The following XKR9 variants were observed in gnomAD, a reference collection of about 807,000 sequenced individuals.
XKR9 encodes the protein XK related 9.
In XKR9, 32 loss-of-function variants were observed where a neutral mutation model predicts 32.0. That is an observed-to-expected ratio of 1.00 (90% CI 0.76 to 1.34). The LOEUF (loss-of-function observed/expected upper bound fraction) is 1.34, where lower values mean the gene tolerates loss of function less well. Ranked by LOEUF, XKR9 falls within the 40% of genes most tolerant of loss-of-function variation. The pLI is 0.00. For missense variants in XKR9, 546 were observed against 429.7 expected (o/e 1.27, Z -2.39); for synonymous variants, 168 against 143.4 (o/e 1.17, Z -1.22).
chr8:70,746,118 G>A (rs1222096208), intron 2 of XKR9, among the ~76,000 whole-genome samples: 1 of 151,420 alleles, frequency 6.6e-6, no homozygotes, highest in Non-Finnish European at 1.5e-5. Flanking sequence ...GTGAAAGTGG[G>A]ACTTAAGTAC....
At chr8:71,033,053 C>T in the XKR9 span, among the ~76,000 whole-genome samples, 1 of 148,246 alleles carries the variant, frequency 6.7e-6, no homozygotes, top group Admixed American at 6.8e-5. Flanking sequence ...CATTGCACTC[C>T]AGTCTAGGGA....
the XKR9 span, among the ~76,000 whole-genome samples, chr8:71,046,712 A>T: frequency 6.6e-6 from 1 of 152,152 alleles, no homozygotes; most frequent in Non-Finnish European, 1.5e-5. Context: ...GGAGTAAAAA[A>T]CCTTAAGAGA....
chr8:70,910,787 C>T, the XKR9 span, among the ~76,000 whole-genome samples: 87 of 152,334 alleles, frequency 5.7e-4, no homozygotes, highest in Middle Eastern at 6.8e-3. Context: ...TCTGGAGGTT[C>T]TGAGGAAGAA....
the XKR9 span, among the ~76,000 whole-genome samples, chr8:70,879,915 AG>A: frequency 6.6e-6 from 1 of 152,236 alleles, no homozygotes; most frequent in African/African-American, 2.4e-5. Flanking sequence ...CATATCAAAA[AG>A]CTTATCCACC....
At chr8:70,822,337 A>T in the XKR9 span, among the ~76,000 whole-genome samples, 29 of 151,952 alleles carry the variant, frequency 1.9e-4, no homozygotes, top group Non-Finnish European at 3.1e-4. Context: ...AGATTTTGTT[A>T]ATTTATCATA....
At chr8:70,761,360 C>T (rs183187391) in intron 2 of XKR9, among the ~76,000 whole-genome samples, 4 of 152,282 alleles carry the variant, frequency 2.6e-5, no homozygotes, top group Non-Finnish European at 4.4e-5. Context: ...TTCACCACAG[C>T]CTCACCAGCA....
chr8:70,901,428 C>T, the XKR9 span, among the ~76,000 whole-genome samples: 1 of 152,158 alleles, frequency 6.6e-6, no homozygotes, highest in Non-Finnish European at 1.5e-5. Context: ...AGCATTTTTT[C>T]ATGTGTCTGT....
At chr8:70,896,458 G>C in the XKR9 span, among the ~76,000 whole-genome samples, 2 of 151,370 alleles carry the variant, frequency 1.3e-5, no homozygotes, top group Admixed American at 6.6e-5. Context: ...GACATAAGTT[G>C]TTAAATTTAT....
the XKR9 span, among the ~76,000 whole-genome samples, chr8:70,843,367 C>T: frequency 4.6e-5 from 7 of 152,134 alleles, no homozygotes; most frequent in African/African-American, 7.2e-5. Context: ...GTATTTCTAA[C>T]TCCTGTTTTT....
At chr8:70,839,552 C>T in the XKR9 span, among the ~76,000 whole-genome samples, 1 of 152,074 alleles carries the variant, frequency 6.6e-6, no homozygotes, top group Non-Finnish European at 1.5e-5. Context: ...ATTTTTTCTG[C>T]AGGATTTTAG....
At chr8:70,991,108 G>C in the XKR9 span, among the ~76,000 whole-genome samples, 2 of 152,138 alleles carry the variant, frequency 1.3e-5, no homozygotes, top group Admixed American at 6.6e-5. Context: ...ACAGTCAGCA[G>C]TTTGGGGAAA....
the XKR9 span, among the ~76,000 whole-genome samples, chr8:71,024,909 G>A: frequency 6.6e-6 from 1 of 152,174 alleles, no homozygotes; most frequent in Admixed American, 6.5e-5. Context: ...TTTGGTTTCT[G>A]TTTGTGGAGG....
intron 2 of XKR9, among the ~76,000 whole-genome samples, chr8:70,768,877 T>C (rs941399458): frequency 1.3e-5 from 2 of 152,098 alleles, no homozygotes; most frequent in Non-Finnish European, 2.9e-5. Context: ...GTCTTGACTC[T>C]ATCCATTTTG....
chr8:71,030,341 A>G, the XKR9 span, among the ~76,000 whole-genome samples: 1 of 152,166 alleles, frequency 6.6e-6, no homozygotes, highest in African/African-American at 2.4e-5. Flanking sequence ...TATTTTTTAT[A>G]TTGTGTGATC....
intron 2 of XKR9, among the ~76,000 whole-genome samples, chr8:70,744,990 T>C (rs1331770702): frequency 1.3e-5 from 2 of 150,278 alleles, no homozygotes; most frequent in African/African-American, 4.9e-5. Context: ...GAGCTGGACT[T>C]GTGTCACTGT....
At chr8:71,064,605 T>C in the XKR9 span, among the ~76,000 whole-genome samples, 4 of 152,220 alleles carry the variant, frequency 2.6e-5, no homozygotes, top group Non-Finnish European at 5.9e-5. Context: ...TGTTTTCTTG[T>C]TCAAAATACA....
chr8:70,952,033 G>A, the XKR9 span, among the ~76,000 whole-genome samples: 1 of 152,014 alleles, frequency 6.6e-6, no homozygotes, highest in Non-Finnish European at 1.5e-5. Context: ...GTCTACACAT[G>A]TGGATAGATT....
At chr8:71,032,818 C>G in the XKR9 span, among the ~76,000 whole-genome samples, 2 of 152,188 alleles carry the variant, frequency 1.3e-5, no homozygotes, top group Non-Finnish European at 2.9e-5. Flanking sequence ...GGTGCAGTGG[C>G]TCACGCCTGT....
chr8:70,913,641 C>T, the XKR9 span, among the ~76,000 whole-genome samples: 56 of 152,158 alleles, frequency 3.7e-4, no homozygotes, highest in African/African-American at 1.2e-3. Context: ...TAAAAGTATG[C>T]TAATCATAAA....
Sources: gnomAD v4.1 joint callset for allele counts (sites outside exome capture counted in the v4.1 genomes callset) on GRCh38, gnomAD v4.1.1 for gene constraint, MANE v1.5 for transcripts, NCBI Gene and HGNC (gene_info 2026-07-23, HGNC 2026-07-21) for gene names.